The following MICU1 variants were observed in gnomAD, a reference collection of about 807,000 sequenced individuals.
The protein encoded by MICU1 is calcium uptake protein 1, mitochondrial.
In MICU1, 45 loss-of-function variants were observed where a neutral mutation model predicts 56.8. The observed-to-expected ratio is 0.79, with a 90% CI of 0.62 to 1.02. The LOEUF is 1.02. MICU1 is among the 50% of genes least tolerant of loss of function. MICU1 has a pLI of 0.00. For missense variants in MICU1, 504 were observed against 587.1 expected (o/e 0.86, Z 1.46); for synonymous variants, 186 against 195.1 (o/e 0.95, Z 0.39).
At chr10:72,420,810 C>T (rs942871802) in intron 9 of MICU1, among the ~76,000 whole-genome samples, 5 of 151,476 alleles carry the variant, frequency 3.3e-5, no homozygotes, top group African/African-American at 9.7e-5. Flanking sequence ...TGAGTAGCTG[C>T]GACTACATGC....
chr10:72,370,796 C>T (rs1862306960), intron 11 of MICU1, among the ~76,000 whole-genome samples: 2 of 152,146 alleles, frequency 1.3e-5, no homozygotes, highest in South Asian at 2.1e-4. Flanking sequence ...TTTGGGAGGC[C>T]GAGGCGGGCA....
intron 5 of MICU1, among the ~76,000 whole-genome samples, chr10:72,532,037 G>A (rs1208001883): frequency 6.6e-6 from 1 of 151,464 alleles, no homozygotes. Context: ...GTTATTTATT[G>A]CTTGGTGTGG....
chr10:72,533,780 A>G lies in MICU1; in HGVS notation c.503T>C (p.Leu168Pro). 1 of 1,598,018 alleles carries G rather than the reference A, an allele frequency of 6.3e-7. No individual in the cohort carries two copies. Among genetic ancestry groups the G allele is most frequent in the South Asian group, 1.1e-5 (1 of 88,170 alleles). ...PNEKQPEHLG[L>P]DQYIIKRFDG... Reference sequence around the variant, plus strand: ...AAAGCGTTTTATTATATATTGATCCAGACCCAAGTCTGTAAAAGAAAAGGA... The same window carrying G: ...AAAGCGTTTTATTATATATTGATCCGGACCCAAGTCTGTAAAAGAAAAGGA... Residue 168 changes from leucine to proline, a missense_variant, in exon 5 of 12, where the codon CTG becomes CCG. Coordinates refer to ENST00000361114, the MANE Select transcript of MICU1 (RefSeq NM_001195518.2).
chr10:72,589,581 G>GA (rs542796993), intron 1 of MICU1, among the ~76,000 whole-genome samples: 8 of 148,988 alleles, frequency 5.4e-5, no homozygotes, highest in Non-Finnish European at 7.4e-5. Flanking sequence ...AATACTGAAG[G>GA]AAAAAAAAAC....
intron 3 of MICU1, among the ~76,000 whole-genome samples, chr10:72,561,493 TTGG>T (rs1840294061): frequency 6.6e-6 from 1 of 152,186 alleles, no homozygotes; most frequent in Non-Finnish European, 1.5e-5. Flanking sequence ...AGAAATGGAT[TTGG>T]GTATAGAGAA....
intron 6 of MICU1, among the ~76,000 whole-genome samples, chr10:72,500,501 T>C (rs2132328155): frequency 6.6e-6 from 1 of 151,348 alleles, no homozygotes; most frequent in South Asian, 2.1e-4. Context: ...TTTGTATTTT[T>C]AGTAGAGACA....
intron 6 of MICU1, chr10:72,501,778 C>T (rs182382421): frequency 2.6e-5 from 4 of 152,152 alleles, no homozygotes; most frequent in African/African-American, 7.2e-5. Flanking sequence ...ATTCATGCCA[C>T]TGCTTATTGT....
chr10:72,531,088 AC>A (rs1321965129), intron 5 of MICU1, among the ~76,000 whole-genome samples: 1 of 152,166 alleles, frequency 6.6e-6, no homozygotes, highest in Non-Finnish European at 1.5e-5. Flanking sequence ...CAAATTTTGG[AC>A]TTTGTTAAAT....
At chr10:72,586,220 T>A (rs1841055474) in intron 1 of MICU1, among the ~76,000 whole-genome samples, 1 of 151,780 alleles carries the variant, frequency 6.6e-6, no homozygotes, top group Non-Finnish European at 1.5e-5. Context: ...CTATGTTGCT[T>A]AAGCTAGTCT....
At chr10:72,378,733 G>A (rs2132042433) in intron 10 of MICU1, among the ~76,000 whole-genome samples, 1 of 152,284 alleles carries the variant, frequency 6.6e-6, no homozygotes, top group East Asian at 1.9e-4. Flanking sequence ...ACGGGACCTG[G>A]GCTCCAGTTC....
intron 9 of MICU1, among the ~76,000 whole-genome samples, chr10:72,419,749 G>A (rs1295839547): frequency 6.6e-6 from 1 of 152,152 alleles, no homozygotes; most frequent in Non-Finnish European, 1.5e-5. Context: ...GGCCAGTAAG[G>A]TTAAGTGATT....
At chr10:72,404,961 C>G (rs902834546) in intron 10 of MICU1, among the ~76,000 whole-genome samples, 2 of 152,164 alleles carry the variant, frequency 1.3e-5, no homozygotes, top group Admixed American at 6.5e-5. Context: ...GTCTGGAGTG[C>G]AGTGGCGTGA....
chr10:72,573,332 A>C (rs528871042), intron 1 of MICU1, among the ~76,000 whole-genome samples: 1 of 148,980 alleles, frequency 6.7e-6, no homozygotes, highest in South Asian at 2.1e-4. Context: ...AAAAAAAAAA[A>C]AAACTAAGGC....
At position 72,431,997 on chromosome 10, in the gene MICU1, T is replaced by C. The variant is rs189931230; in HGVS notation, c.934-8626A>G. Among the ~76,000 whole-genome samples, 157 of 152,292 alleles carry C rather than the reference T, an allele frequency of 1.0e-3. 1 individual carries two copies. The highest frequency in any genetic ancestry group is 0.01 in the Middle Eastern group (3 of 294). On this transcript the variant is annotated intron_variant, in intron 8 of 11. Coordinates refer to ENST00000361114, the MANE Select transcript of MICU1 (RefSeq NM_001195518.2). ...ATTTATATTTCTTCCTCTGTGAATT[T>C]TTTATGTTGTCTATTTTTAAAAATA...
chr10:72,417,470 A>G (rs7922471), intron 9 of MICU1, among the ~76,000 whole-genome samples: 71,327 of 149,178 alleles, frequency 0.48, 19,634 homozygotes, highest in Non-Finnish European at 0.64. Flanking sequence ...AAAAAAAAAA[A>G]AAAGAAATAT....
intron 8 of MICU1, among the ~76,000 whole-genome samples, chr10:72,425,691 G>A (rs1354614938): frequency 6.6e-6 from 1 of 152,054 alleles, no homozygotes; most frequent in Non-Finnish European, 1.5e-5. Flanking sequence ...TCTCCTTTTA[G>A]GTTTTTAGGC....
chr10:72,549,844 C>T (rs941498022), intron 4 of MICU1, among the ~76,000 whole-genome samples: 4 of 147,202 alleles, frequency 2.7e-5, no homozygotes, highest in East Asian at 2.0e-4. Context: ...GCTGGAGAAT[C>T]GCTTGAACCC....
chr10:72,551,273 G>C lies in MICU1; in HGVS notation c.399C>G (p.Thr133=). The stretch of plus-strand genomic sequence containing the variant: ...CACCAGGCTCACTGATGACTTTCAA[G>C]GTGGCAAAATATCGGAAGATTTTGT... ...TPDKIFRYFA[T]LKVISEPGEA... Residue 133 remains threonine (T), a synonymous_variant, in exon 4 of 12, where the codon ACC becomes ACG. Transcript: ENST00000361114. 2 of 1,613,480 alleles carry C rather than the reference G, an allele frequency of 1.2e-6. No individual in the cohort carries two copies. Among genetic ancestry groups the C allele is most frequent in the South Asian group, 1.1e-5 (1 of 90,990 alleles).
At chr10:72,481,340 G>A (rs1866287249) in intron 6 of MICU1, among the ~76,000 whole-genome samples, 1 of 152,180 alleles carries the variant, frequency 6.6e-6, no homozygotes. Flanking sequence ...ATGGCATCCT[G>A]TGTTTATTCT....
Sources: gnomAD v4.1 joint callset for allele counts (sites outside exome capture counted in the v4.1 genomes callset) on GRCh38, gnomAD v4.1.1 for gene constraint, MANE v1.5 for transcripts, NCBI Gene and HGNC (gene_info 2026-07-23, HGNC 2026-07-21) for gene names.